Variants in SAMD4A observed in about 807,000 individuals in gnomAD.
SAMD4A encodes sterile alpha motif domain containing 4A, also known as protein Smaug homolog 1.
SAMD4A carries 33 observed loss-of-function variants against 81.3 expected under a neutral mutation model. The observed-to-expected ratio is 0.41, with a 90% CI of 0.31 to 0.54. The LOEUF is 0.54. SAMD4A is among the 20% of genes least tolerant of loss of function. The probability of loss-of-function intolerance (pLI) is 0.37; values close to 1 mark genes in which losing one functional copy is unlikely to be tolerated. For missense variants in SAMD4A, 854 were observed against 951.1 expected, an observed-to-expected ratio of 0.90 and a Z score of 1.34; for synonymous variants, 389 against 382.1, an observed-to-expected ratio of 1.02 and a Z score of -0.21.
rs939151845 is a variant in SAMD4A at position 54,760,187 on chromosome 14, C to T, written c.1203C>T (p.Arg401=). 1.2e-6 allele frequency: 2 copies of T among 1,613,074 alleles called. No homozygotes were observed. The highest frequency in any genetic ancestry group is 2.2e-5 in the South Asian group (2 of 90,896). Residue 401 remains arginine, a synonymous_variant, in exon 7 of 13, where the codon CGC becomes CGT. Coordinates refer to ENST00000554335, the MANE Select transcript of SAMD4A (RefSeq NM_015589.6). ...ACATCATCGAGGGGGGCAGCCTGCG[C>T]ATCCCGCTCCAGGAACTGCACCAGA... ...ERDIIEGGSL[R]IPLQELHQMI...
chr14:54,660,019 T>G (rs925553475), intron 2 of SAMD4A, among the ~76,000 whole-genome samples: 1 of 151,606 alleles, frequency 6.6e-6, no homozygotes, highest in Non-Finnish European at 1.5e-5. Flanking sequence ...AGGCGGAGGT[T>G]GCAGTGAGCC....
In SAMD4A at chr14:54,687,490, G is replaced by A. The variant is rs140939260; in HGVS notation, c.197-14572G>A. Reference sequence around the variant, plus strand: ...GCCAAAAAACAATATCTAGAATTCAGTTAATTCATTCCCACTGCAAACAAG... The same window carrying A: ...GCCAAAAAACAATATCTAGAATTCAATTAATTCATTCCCACTGCAAACAAG... On this transcript the variant is annotated intron_variant, in intron 2 of 12. Transcript: ENST00000554335. 117 of 394,308 alleles carry A rather than the reference G, an allele frequency of 3.0e-4. 2 individuals carry two copies. Among genetic ancestry groups the A allele is most frequent in the South Asian group, 2.2e-3 (115 of 52,212 alleles). 24.4% of individuals were successfully genotyped at this position (394,308 alleles called of 1,614,324 possible).
At position 54,598,244 on chromosome 14, in the gene SAMD4A, C is replaced by G. The variant is rs184566455; in HGVS notation, c.196+30132C>G. 2.6e-5 allele frequency among the ~76,000 whole-genome samples: 4 copies of G among 152,254 alleles called. No homozygotes were observed. In the East Asian group the frequency reaches 7.7e-4, roughly 29 times the overall value. On this transcript the variant is annotated intron_variant, in intron 2 of 12. Coordinates refer to ENST00000554335, the MANE Select transcript of SAMD4A (RefSeq NM_015589.6). The stretch of plus-strand genomic sequence containing the variant: ...TAGGCAGTGTGTTTGTGGGTCCTTG[C>G]GTAACATAGCTGTTATGTTATACTG...
At chr14:54,721,143 A>G (rs2037251811) in intron 3 of SAMD4A, among the ~76,000 whole-genome samples, 1 of 152,164 alleles carries the variant, frequency 6.6e-6, no homozygotes. Flanking sequence ...CTTGTTTATT[A>G]TCTATCTCCC....
At chr14:54,667,628 C>T (rs187634420) in intron 2 of SAMD4A, among the ~76,000 whole-genome samples, 1 of 152,332 alleles carries the variant, frequency 6.6e-6, no homozygotes, top group East Asian at 1.9e-4. Flanking sequence ...TTCTCCCTGT[C>T]ACCCAGGGCG....
chr14:54,703,585 G>C (rs2036774620), intron 3 of SAMD4A: 1 of 152,058 alleles, frequency 6.6e-6, no homozygotes, highest in African/African-American at 2.4e-5. Context: ...TAATAATTGG[G>C]GTGCCGGCAC....
At chr14:54,672,774 A>G (rs76784181) in intron 2 of SAMD4A, among the ~76,000 whole-genome samples, 271 of 152,360 alleles carry the variant, frequency 1.8e-3, no homozygotes, top group African/African-American at 6.1e-3. Flanking sequence ...CTAAATCAAG[A>G]TCAATTACCA....
At chr14:54,656,238 T>C (rs1425801435) in intron 2 of SAMD4A, among the ~76,000 whole-genome samples, 1 of 152,186 alleles carries the variant, frequency 6.6e-6, no homozygotes, top group Admixed American at 6.5e-5. Context: ...TTCAGTGGAT[T>C]TTCCAACTGT....
chr14:54,614,368 T>C (rs2034441138), intron 2 of SAMD4A, among the ~76,000 whole-genome samples: 1 of 152,194 alleles, frequency 6.6e-6, no homozygotes, highest in South Asian at 2.1e-4. Flanking sequence ...CAAAACTCTT[T>C]GGTGTTATCA....
At chr14:54,642,499 T>C (rs1055150294) in intron 2 of SAMD4A, among the ~76,000 whole-genome samples, 9 of 152,374 alleles carry the variant, frequency 5.9e-5, no homozygotes, top group East Asian at 1.9e-4. Flanking sequence ...CTGTAACTTC[T>C]TGTCCCTGAC....
At chr14:54,659,430 GTC>G (rs765144329) in intron 2 of SAMD4A, among the ~76,000 whole-genome samples, 16 of 152,118 alleles carry the variant, frequency 1.1e-4, no homozygotes, top group Non-Finnish European at 2.9e-5. Flanking sequence ...ATGTCCGTCT[GTC>G]TCTCTTTTTG....
chr14:54,695,676 C>T (rs554217044), intron 2 of SAMD4A, among the ~76,000 whole-genome samples: 9 of 152,208 alleles, frequency 5.9e-5, no homozygotes, highest in African/African-American at 1.9e-4. Context: ...GGGTTAGGGC[C>T]GGGCACGGTG....
intron 2 of SAMD4A, among the ~76,000 whole-genome samples, chr14:54,586,934 T>G (rs941471802): frequency 5.3e-5 from 8 of 152,144 alleles, no homozygotes; most frequent in Admixed American, 2.0e-4. Context: ...TCCATATGAA[T>G]TTTTGGATTT....
intron 2 of SAMD4A, among the ~76,000 whole-genome samples, chr14:54,640,011 A>G (rs2035134776): frequency 6.8e-6 from 1 of 147,226 alleles, no homozygotes; most frequent in African/African-American, 2.5e-5. Flanking sequence ...TTAAACCAAA[A>G]TATCTATGTT....
intron 2 of SAMD4A, among the ~76,000 whole-genome samples, chr14:54,698,054 A>G (rs149616440): frequency 1.8e-4 from 27 of 152,278 alleles, no homozygotes; most frequent in African/African-American, 5.8e-4. Context: ...CCTACATTCT[A>G]TTTACTGAAA....
chr14:54,749,089 G>C (rs187956101), intron 5 of SAMD4A, among the ~76,000 whole-genome samples, 165 bp downstream of exon 5: 1 of 152,290 alleles, frequency 6.6e-6, no homozygotes, highest in East Asian at 1.9e-4. Flanking sequence ...GCAAAACTGG[G>C]TGGATTCTTG....
intron 2 of SAMD4A, among the ~76,000 whole-genome samples, chr14:54,691,693 A>G (rs1046494241): frequency 1.2e-4 from 19 of 152,178 alleles, no homozygotes; most frequent in African/African-American, 4.3e-4. Flanking sequence ...AGAAATTCCC[A>G]GCATTGGCTG....
At chr14:54,755,280 T>TG (rs1226974570) in intron 6 of SAMD4A, among the ~76,000 whole-genome samples, 6 of 151,854 alleles carry the variant, frequency 4.0e-5, no homozygotes, top group Non-Finnish European at 8.8e-5. Context: ...TGTAGGTCCA[T>TG]GAGAAGGGTT....
At chr14:54,630,854 A>G (rs2034879674) in intron 2 of SAMD4A, among the ~76,000 whole-genome samples, 1 of 152,012 alleles carries the variant, frequency 6.6e-6, no homozygotes. Flanking sequence ...GTAACTACAT[A>G]TTTATAATTA....
Sources: allele counts gnomAD v4.1 joint callset (sites outside exome capture counted in the v4.1 genomes callset), GRCh38; gene constraint gnomAD v4.1.1; transcripts MANE v1.5; gene names NCBI Gene and HGNC (gene_info 2026-07-23, HGNC 2026-07-21).